Variants in CCDC77 observed in about 807,000 individuals in gnomAD.
The protein encoded by CCDC77 is coiled-coil domain-containing protein 77.
A neutral mutation model predicts 66.8 loss-of-function variants in CCDC77; 56 were observed. The observed-to-expected ratio is 0.84, with a 90% CI of 0.68 to 1.05. CCDC77 has a LOEUF of 1.05. Ranked by LOEUF, CCDC77 falls within the 50% of genes least tolerant of loss-of-function variation. The pLI, the probability that CCDC77 is intolerant of heterozygous loss-of-function variation, is 0.00. For synonymous variants in CCDC77, 196 were observed against 195.2 expected (o/e 1.00, Z -0.03); for missense variants, 570 against 576.8 (o/e 0.99, Z 0.12).
At chr12:402,837 G>A (rs1041579914) in intron 1 of CCDC77, among the ~76,000 whole-genome samples, 1 of 152,200 alleles carries the variant, frequency 6.6e-6, no homozygotes, top group Non-Finnish European at 1.5e-5. Flanking sequence ...AGGAGGTTCA[G>A]AAGAATGAGT....
chr12:389,943 A>G (rs1446961589), intron 1 of CCDC77: 1 of 152,230 alleles, frequency 6.6e-6, no homozygotes, highest in African/African-American at 2.4e-5. Context: ...TTTAGCCACC[A>G]TCCATGAATT....
chr12:432,050 C>A, intron 8 of CCDC77, 96 bp downstream of exon 8: 1 of 719,840 alleles, frequency 1.4e-6, no homozygotes, highest in Non-Finnish European at 2.5e-6. Context: ...TATCTCCTTG[C>A]ACACAGGTTA....
chr12:389,571 C>CGAGGCGGGGCGAGGCGCGGCGAGGCGG (rs57308009), intron 1 of CCDC77: 61 of 223,940 alleles, frequency 2.7e-4, no homozygotes, highest in Non-Finnish European at 5.2e-4. Context: ...GGGCGAGGCG[C>CGAGGCGGGGCGAGGCGCGGCGAGGCGG]AACGAGGCGG....
chr12:412,070 G>A (rs1945123056), intron 4 of CCDC77, 92 bp downstream of exon 4: 2 of 947,082 alleles, frequency 2.1e-6, no homozygotes, highest in East Asian at 2.6e-5. Context: ...AGAAGCAGAT[G>A]TTTTATAAAA....
At position 413,626 on chromosome 12, in the gene CCDC77, A is replaced by ATTTT. The variant is rs573170612; in HGVS notation, c.270+1664_270+1667dup. 2.1e-3 allele frequency among the ~76,000 whole-genome samples: 238 copies of ATTTT among 115,506 alleles called. 3 individuals carry two copies. Among genetic ancestry groups the ATTTT allele is most frequent in the African/African-American group, 7.7e-3 (234 of 30,452 alleles). 75.8% of individuals were successfully genotyped at this position (115,506 alleles called of 152,430 possible). A position where few individuals can be genotyped will look rare whatever the true frequency, so the allele number is the denominator to read the frequency against. ...TTGACTTTCCCATTCACTGAATGGGATTTTTTTTTTTTTTTTTTTGAGACG... is the reference window on the plus strand; with the variant it reads ...TTGACTTTCCCATTCACTGAATGGGATTTTTTTTTTTTTTTTTTTTTTTGAGACG... On this transcript the variant is annotated intron_variant, in intron 4 of 12. Coordinates refer to ENST00000239830, the MANE Select transcript of CCDC77 (RefSeq NM_032358.4).
At chr12:417,177 G>T (rs1450806806) in intron 4 of CCDC77, among the ~76,000 whole-genome samples, 1 of 151,802 alleles carries the variant, frequency 6.6e-6, no homozygotes, top group Non-Finnish European at 1.5e-5. Context: ...GAATAGAGTG[G>T]AATCATACTG....
chr12:404,721 CTTT>C (rs141950603), intron 1 of CCDC77, among the ~76,000 whole-genome samples: 22 of 137,560 alleles, frequency 1.6e-4, no homozygotes, highest in Admixed American at 3.0e-4. Flanking sequence ...CTTCAAATTA[CTTT>C]TTTTTTTTTT....
At chr12:413,216 G>T (rs948528131) in intron 4 of CCDC77, among the ~76,000 whole-genome samples, 1 of 149,770 alleles carries the variant, frequency 6.7e-6, no homozygotes, top group Non-Finnish European at 1.5e-5. Context: ...GGGATTACAG[G>T]AGTGAGCAAC....
intron 2 of CCDC77, 145 bp from the exon 3 acceptor site, chr12:409,223 A>AG: frequency 3.5e-5 from 22 of 619,888 alleles, no homozygotes; most frequent in Admixed American, 6.2e-5. Context: ...AAAAAAAAAA[A>AG]AGAAAAAAAA....
At chr12:418,379 G>A (rs1945326007) in intron 4 of CCDC77, 115 bp from the exon 5 acceptor site, 1 of 1,047,836 alleles carries the variant, frequency 9.5e-7, no homozygotes, top group Non-Finnish European at 1.4e-6. Flanking sequence ...ATTCTGTATT[G>A]GCAAAATTAT....
intron 8 of CCDC77, among the ~76,000 whole-genome samples, chr12:432,236 G>C (rs931361837): frequency 1.3e-5 from 2 of 152,198 alleles, no homozygotes; most frequent in Non-Finnish European, 2.9e-5. Flanking sequence ...ACTGGCCTAG[G>C]GATATGCAGA....
intron 9 of CCDC77, among the ~76,000 whole-genome samples, chr12:435,994 C>T (rs1443096806): frequency 6.6e-6 from 1 of 152,160 alleles, no homozygotes; most frequent in Non-Finnish European, 1.5e-5. Flanking sequence ...CTCACCTCAG[C>T]CTCCTGAAGC....
chr12:413,505 C>A (rs1432231852), intron 4 of CCDC77, among the ~76,000 whole-genome samples: 1 of 152,122 alleles, frequency 6.6e-6, no homozygotes, highest in Non-Finnish European at 1.5e-5. Flanking sequence ...TCCTAAAGTG[C>A]TGGGATTTCA....
At chr12:409,596 A>T (rs2137545192) in intron 3 of CCDC77, 175 bp downstream of exon 3, 1 of 615,140 alleles carries the variant, frequency 1.6e-6, no homozygotes, top group East Asian at 2.8e-5. Context: ...TGCTCATTGC[A>T]GCCTTGACCT....
At chr12:405,232 C>T (rs1460942739) in intron 1 of CCDC77, among the ~76,000 whole-genome samples, 1 of 152,074 alleles carries the variant, frequency 6.6e-6, no homozygotes, top group Non-Finnish European at 1.5e-5. Flanking sequence ...TAGGAAAGTC[C>T]AGAATAGGGA....
chr12:418,765 T>A, intron 5 of CCDC77, 129 bp downstream of exon 5: 1 of 1,002,648 alleles, frequency 1.0e-6, no homozygotes, highest in Non-Finnish European at 1.5e-6. Flanking sequence ...AGTGGCGCTC[T>A]CTTGGCTCAC....
chr12:397,856 C>G (rs1449329632), upstream of CCDC77, among the ~76,000 whole-genome samples: 2 of 152,128 alleles, frequency 1.3e-5, no homozygotes, highest in Non-Finnish European at 2.9e-5. Flanking sequence ...CTGTCTTAGC[C>G]AGGATGGTCT....
At chr12:433,119 G>A in intron 8 of CCDC77, 55 bp from the exon 9 acceptor site, 2 of 1,549,660 alleles carry the variant, frequency 1.3e-6, no homozygotes, top group East Asian at 2.3e-5. Context: ...TTTCCTAGAG[G>A]TATGAAGTAA....
chr12:429,668 A>T (rs1197065769), intron 6 of CCDC77, among the ~76,000 whole-genome samples: 1 of 152,136 alleles, frequency 6.6e-6, no homozygotes, highest in African/African-American at 2.4e-5. Flanking sequence ...CATGTTGCCC[A>T]GGCTGGTCTC....
Sources: allele counts gnomAD v4.1 joint callset (sites outside exome capture counted in the v4.1 genomes callset), GRCh38; gene constraint gnomAD v4.1.1; transcripts MANE v1.5; gene names NCBI Gene and HGNC (gene_info 2026-07-23, HGNC 2026-07-21).